Variants in NSD3 observed in about 807,000 individuals in gnomAD.
NSD3 encodes histone-lysine N-methyltransferase NSD3.
Under a neutral mutation model 160.8 loss-of-function variants are expected in NSD3, and 24 were observed. The observed-to-expected ratio is 0.15, with a 90% CI of 0.11 to 0.21. The LOEUF is 0.21. Among genes scored for constraint, NSD3 ranks in the 10% least tolerant of loss-of-function variants. NSD3 has a pLI of 1.00. For missense variants in NSD3, 1,157 were observed against 1,735.9 expected (o/e 0.67, Z 5.93); for synonymous variants, 520 against 600.0 (o/e 0.87, Z 1.95).
intron 1 of NSD3, among the ~76,000 whole-genome samples, chr8:38,351,659 T>A (rs1309345163): frequency 1.4e-5 from 2 of 143,680 alleles, no homozygotes. Flanking sequence ...TGAGACTCCG[T>A]CTCAAAAAAA....
chr8:38,330,870 C>T (rs952305653), intron 5 of NSD3, among the ~76,000 whole-genome samples: 1 of 151,542 alleles, frequency 6.6e-6, no homozygotes, highest in African/African-American at 2.4e-5. Flanking sequence ...TGTGTGATCT[C>T]GGTTGAACCA....
At position 38,274,063 on chromosome 8, in the gene NSD3, C is replaced by T. The variant is rs1238690932; in HGVS notation, c.*1578G>A. 6.6e-6 allele frequency: 1 copy of T among 152,128 alleles called. No homozygotes were observed. Among genetic ancestry groups the T allele is most frequent in the Non-Finnish European group, 1.5e-5 (1 of 68,010 alleles). The allele number at this position is 152,128 out of a possible 1,614,324, so 9.4% of individuals were successfully genotyped here. A position where few individuals can be genotyped will look rare whatever the true frequency, so the allele number is the denominator to read the frequency against. On this transcript the variant is annotated 3_prime_UTR_variant, in exon 24 of 24. Coordinates refer to ENST00000317025, the MANE Select transcript of NSD3 (RefSeq NM_023034.2). ...GGAATGTGGTAGAGCATCTACCCTCCCTACCTTCATAAGGTTACTAGGTAC... is the reference window on the plus strand; with the variant it reads ...GGAATGTGGTAGAGCATCTACCCTCTCTACCTTCATAAGGTTACTAGGTAC...
intron 5 of NSD3, 147 bp from the exon 6 acceptor site, chr8:38,330,040 T>C: frequency 2.2e-6 from 2 of 894,728 alleles, no homozygotes; most frequent in Non-Finnish European, 3.3e-6. Context: ...ATGTTCTATC[T>C]CCATAATTCT....
chr8:38,312,795 C>T (rs1189417277), intron 12 of NSD3, among the ~76,000 whole-genome samples: 1 of 152,200 alleles, frequency 6.6e-6, no homozygotes, highest in Non-Finnish European at 1.5e-5. Context: ...CCTTTCTATA[C>T]AGCCTGCAGA....
chr8:38,341,460 C>T (rs1174759837), intron 2 of NSD3, among the ~76,000 whole-genome samples: 3 of 151,832 alleles, frequency 2.0e-5, no homozygotes, highest in Non-Finnish European at 4.4e-5. Context: ...ATTGCTTGAA[C>T]CTGGGAGGCA....
intron 4 of NSD3, among the ~76,000 whole-genome samples, chr8:38,332,216 C>T (rs986327187): frequency 3.3e-5 from 5 of 152,342 alleles, no homozygotes; most frequent in African/African-American, 1.2e-4. Context: ...GCTGAGATTA[C>T]AGGCATGAGC....
chr8:38,379,162 GT>G (rs1811477792), intron 1 of NSD3, among the ~76,000 whole-genome samples: 1 of 151,942 alleles, frequency 6.6e-6, no homozygotes. Context: ...ATATTAATTG[GT>G]TATAAGTGTT....
intron 6 of NSD3, among the ~76,000 whole-genome samples, chr8:38,328,318 T>C (rs983382566): frequency 1.3e-5 from 2 of 152,242 alleles, no homozygotes; most frequent in Non-Finnish European, 2.9e-5. Flanking sequence ...GTTTGACTTG[T>C]GCATCAGAAG....
At chr8:38,376,311 T>C (rs1452731762) in intron 1 of NSD3, among the ~76,000 whole-genome samples, 1 of 152,142 alleles carries the variant, frequency 6.6e-6, no homozygotes, top group Non-Finnish European at 1.5e-5. Flanking sequence ...GTGAATAAAA[T>C]ATGAAAAAAT....
chr8:38,355,820 T>A (rs886673550), intron 1 of NSD3, among the ~76,000 whole-genome samples: 1 of 152,240 alleles, frequency 6.6e-6, no homozygotes, highest in African/African-American at 2.4e-5. Context: ...ACATTTGTTA[T>A]ATTATTTTAC....
rs1232128206 is a variant in NSD3 at position 38,288,824 on chromosome 8, TC to T, written c.3232-69del. ...TCATCTGGCAATGTGAACAGGAACA[TC>T]TAAAACATCCACGCTACTGCCTCGT... is the stretch of plus-strand genomic sequence containing the variant. On this transcript the variant is annotated intron_variant, in intron 18 of 23. Coordinates refer to ENST00000317025, the MANE Select transcript of NSD3 (RefSeq NM_023034.2). The surrounding 1 kb of genome is among the most constrained non-coding windows in gnomAD (Gnocchi z 4.5). The T allele has an allele frequency of 6.4e-7, 1 of 1,570,714 alleles. No homozygotes were observed. The highest frequency in any genetic ancestry group is 8.7e-7 in the Non-Finnish European group (1 of 1,154,770).
chr8:38,337,872 A>G (rs1246247846), intron 3 of NSD3, among the ~76,000 whole-genome samples: 1 of 152,258 alleles, frequency 6.6e-6, no homozygotes. Flanking sequence ...TTTATCTTCA[A>G]TTATACTTTT....
chr8:38,307,123 A>AAT (rs1239888294), intron 12 of NSD3, among the ~76,000 whole-genome samples: 74 of 139,930 alleles, frequency 5.3e-4, no homozygotes, highest in African/African-American at 1.8e-3. Flanking sequence ...TCAAAAAAAA[A>AAT]AAAAATAAAA....
At chr8:38,320,045 A>C (rs988362806) in intron 8 of NSD3, 2 of 152,176 alleles carry the variant, frequency 1.3e-5, no homozygotes, top group Non-Finnish European at 1.5e-5. Flanking sequence ...GAGCTTAGAA[A>C]GATTTTTTGG....
At chr8:38,337,188 T>C in intron 4 of NSD3, 117 bp downstream of exon 4, 1 of 939,846 alleles carries the variant, frequency 1.1e-6, no homozygotes, top group Non-Finnish European at 1.4e-6. Context: ...GATACGGATA[T>C]GCACATTTTT....
chr8:38,295,700 G>T, intron 16 of NSD3, 96 bp downstream of exon 16: 1 of 1,159,556 alleles, frequency 8.6e-7, no homozygotes, highest in Non-Finnish European at 1.2e-6. Context: ...GGTCCATGCT[G>T]TCTACCTATC....
chr8:38,374,070 G>A (rs1267907386), intron 1 of NSD3, among the ~76,000 whole-genome samples: 1 of 151,348 alleles, frequency 6.6e-6, no homozygotes. Context: ...AGCCATGACT[G>A]TGCCACTGCA....
rs1281896812 is a variant in NSD3, at chr8:38,288,461, C to T, written c.3501+26G>A. 1 of 1,607,824 alleles carries T rather than the reference C, an allele frequency of 6.2e-7. No individual in the cohort carries two copies. Among genetic ancestry groups the T allele is most frequent in the African/African-American group, 1.3e-5 (1 of 74,864 alleles). On this transcript the variant is annotated intron_variant, in intron 19 of 23. Transcript: ENST00000317025. The surrounding 1 kb of genome is among the most constrained non-coding windows in gnomAD (Gnocchi z 4.5). ...TGAAAAGCCAGGTTCTGGTCTCTTC[C>T]ACCCCCCACCACCATCCCATGCTAC...
At chr8:38,298,122 GCAAA>G (rs376688851) in intron 15 of NSD3, among the ~76,000 whole-genome samples, 1 of 152,142 alleles carries the variant, frequency 6.6e-6, no homozygotes, top group African/African-American at 2.4e-5. Flanking sequence ...TTCAAGTTAA[GCAAA>G]CAGAGGGCTC....
Sources: allele counts gnomAD v4.1 joint callset (sites outside exome capture counted in the v4.1 genomes callset), GRCh38; gene constraint gnomAD v4.1.1; non-coding constraint Gnocchi (gnomAD v3.1); transcripts MANE v1.5; gene names NCBI Gene and HGNC (gene_info 2026-07-23, HGNC 2026-07-21).